Variants in CTNNA3 observed in about 807,000 individuals in gnomAD.
CTNNA3 encodes the protein catenin alpha 3, also known as catenin alpha-3.
A neutral mutation model predicts 95.7 loss-of-function variants in CTNNA3; 76 were observed. The observed-to-expected ratio is 0.79, with a 90% CI of 0.66 to 0.96. CTNNA3 has a LOEUF of 0.96. Among genes scored for constraint, CTNNA3 ranks in the 40% least tolerant of loss-of-function variants. The pLI, the probability that CTNNA3 is intolerant of heterozygous loss-of-function variation, is 0.00. For missense variants in CTNNA3, 1,191 were observed against 1,089.8 expected, an observed-to-expected ratio of 1.09 and a Z score of -1.31; for synonymous variants, 431 against 374.4, an observed-to-expected ratio of 1.15 and a Z score of -1.74.
At chr10:66,683,410 A>C (rs1847136949) in intron 9 of CTNNA3, among the ~76,000 whole-genome samples, 1 of 152,196 alleles carries the variant, frequency 6.6e-6, no homozygotes, top group African/African-American at 2.4e-5. Flanking sequence ...TTGTTAGGAA[A>C]CAGTAAATTA....
intron 11 of CTNNA3, among the ~76,000 whole-genome samples, chr10:66,472,451 G>T (rs918241817): frequency 2.6e-5 from 4 of 151,954 alleles, no homozygotes; most frequent in African/African-American, 9.7e-5. Flanking sequence ...GAAAACAAAG[G>T]TTAAAGCCAA....
chr10:65,946,890 C>A (rs546852857), intron 17 of CTNNA3, among the ~76,000 whole-genome samples: 1 of 152,066 alleles, frequency 6.6e-6, no homozygotes, highest in African/African-American at 2.4e-5. Context: ...CTATTCTGTA[C>A]AGTAATTGAA....
chr10:67,249,636 G>A (rs1386390952), intron 5 of CTNNA3, among the ~76,000 whole-genome samples: 2 of 152,110 alleles, frequency 1.3e-5, no homozygotes, highest in East Asian at 1.9e-4. Context: ...ATAAATGTGA[G>A]CCACACATAC....
rs544469166 is a variant in CTNNA3, at chr10:66,478,560, T to C, written c.1531+42057A>G. Among the ~76,000 whole-genome samples, 10 of 151,966 alleles carry C rather than the reference T, an allele frequency of 6.6e-5. No homozygotes were observed. In the East Asian group the frequency reaches 9.7e-4, roughly 15 times the overall value. On this transcript the variant is annotated intron_variant, in intron 11 of 17. Coordinates refer to ENST00000433211, the MANE Select transcript of CTNNA3 (RefSeq NM_013266.4). Reference sequence around the variant, plus strand: ...ATTTCACTGTATGAAATTTAAATTTTTGATGAAAAAATATAGCTAATTTTT... The same window carrying C: ...ATTTCACTGTATGAAATTTAAATTTCTGATGAAAAAATATAGCTAATTTTT...
chr10:66,315,337 A>G (rs2092086156), intron 12 of CTNNA3, among the ~76,000 whole-genome samples: 1 of 152,058 alleles, frequency 6.6e-6, no homozygotes, highest in Non-Finnish European at 1.5e-5. Context: ...CCAGAGATGT[A>G]AGACAGATTT....
chr10:66,718,123 T>C (rs576378184), intron 9 of CTNNA3, among the ~76,000 whole-genome samples: 8 of 122,030 alleles, frequency 6.6e-5, no homozygotes, highest in Non-Finnish European at 1.2e-4. Context: ...ATAAAAGTAC[T>C]TTCACCTGTA....
chr10:66,625,011 T>C (rs1054014893), intron 9 of CTNNA3, among the ~76,000 whole-genome samples: 1 of 133,882 alleles, frequency 7.5e-6, no homozygotes, highest in East Asian at 1.9e-4. Context: ...ATTTACACAT[T>C]TATTGAAAAG....
chr10:67,182,875 A>T (rs1862631011), intron 6 of CTNNA3, among the ~76,000 whole-genome samples: 1 of 152,216 alleles, frequency 6.6e-6, no homozygotes, highest in Admixed American at 6.5e-5. Flanking sequence ...ACAACTGGGC[A>T]AAGGATATGA....
chr10:67,288,581 A>T (rs866365567), intron 5 of CTNNA3, among the ~76,000 whole-genome samples: 2 of 152,182 alleles, frequency 1.3e-5, no homozygotes, highest in Non-Finnish European at 2.9e-5. Context: ...TCCGCAACAT[A>T]GTTCTTTCTT....
rs111272566 is a variant in CTNNA3, at chr10:66,528,371, C to T, written c.1375-7598G>A. Among the ~76,000 whole-genome samples, 554 of 152,234 alleles carry T rather than the reference C, an allele frequency of 3.6e-3. 2 individuals are homozygous for T. Among genetic ancestry groups the T allele is most frequent in the Middle Eastern group, 6.8e-3 (2 of 292 alleles). On this transcript the variant is annotated intron_variant, in intron 10 of 17. Transcript: ENST00000433211. ...TAGACAACTTTTACTACATTCTAAA[C>T]TCATTTACCTTGGGAAACCCTTGAA...
chr10:66,360,726 T>G, intron 12 of CTNNA3, among the ~76,000 whole-genome samples: 1 of 15,854 alleles, frequency 6.3e-5, no homozygotes, highest in African/African-American at 1.2e-4. Context: ...CTTTCTTCCT[T>G]TCTTTCTTTC....
chr10:67,534,049 T>G (rs1412466231), intron 4 of CTNNA3, among the ~76,000 whole-genome samples: 4 of 149,826 alleles, frequency 2.7e-5, no homozygotes, highest in Non-Finnish European at 5.9e-5. Flanking sequence ...CTTGTATAAG[T>G]GTCAGGAGGG....
chr10:67,557,712 G>A (rs1589422689), intron 3 of CTNNA3, among the ~76,000 whole-genome samples: 1 of 152,108 alleles, frequency 6.6e-6, no homozygotes, highest in African/African-American at 2.4e-5. Context: ...CAGGGTTATT[G>A]GGTTGTTTAC....
intron 12 of CTNNA3, among the ~76,000 whole-genome samples, chr10:66,329,653 A>G (rs1252475139): frequency 6.6e-6 from 1 of 152,104 alleles, no homozygotes; most frequent in Non-Finnish European, 1.5e-5. Flanking sequence ...ACAGTTGAAC[A>G]ATGGGCGAAT....
chr10:67,193,529 C>T (rs1863213499), intron 6 of CTNNA3, among the ~76,000 whole-genome samples: 1 of 151,872 alleles, frequency 6.6e-6, no homozygotes, highest in South Asian at 2.1e-4. Context: ...GCACCAGTGC[C>T]TGTTGTTTCC....
chr10:67,686,546 G>A (rs185174469), intron 1 of CTNNA3, among the ~76,000 whole-genome samples: 21 of 152,220 alleles, frequency 1.4e-4, no homozygotes, highest in East Asian at 3.9e-4. Context: ...CTAAGCAGGC[G>A]GTTGTCTGAT....
At chr10:66,892,765 G>A (rs1219922974) in intron 7 of CTNNA3, among the ~76,000 whole-genome samples, 2 of 152,072 alleles carry the variant, frequency 1.3e-5, no homozygotes. Flanking sequence ...GAATAATTGT[G>A]AAATATGATC....
chr10:66,998,006 G>A (rs1253116268), intron 7 of CTNNA3, among the ~76,000 whole-genome samples: 2 of 152,074 alleles, frequency 1.3e-5, no homozygotes, highest in Admixed American at 6.6e-5. Context: ...TTTTCTAACT[G>A]GCCTCCCTGC....
chr10:67,599,237 T>C (rs1202943896), intron 3 of CTNNA3, among the ~76,000 whole-genome samples: 1 of 152,204 alleles, frequency 6.6e-6, no homozygotes, highest in South Asian at 2.1e-4. Context: ...CTCAACACTC[T>C]TCCAAGGAAA....
Sources: gnomAD v4.1 joint callset for allele counts (sites outside exome capture counted in the v4.1 genomes callset) on GRCh38, gnomAD v4.1.1 for gene constraint, MANE v1.5 for transcripts, NCBI Gene and HGNC (gene_info 2026-07-23, HGNC 2026-07-21) for gene names.